The following PCOLCE2 variants were observed in gnomAD, a reference collection of about 807,000 sequenced individuals.
PCOLCE2 encodes procollagen C-endopeptidase enhancer 2, also known as procollagen C-proteinase enhancer 2.
Under a neutral mutation model 47.0 loss-of-function variants are expected in PCOLCE2, and 42 were observed. That is an observed-to-expected ratio of 0.89 (90% CI 0.70 to 1.16). The LOEUF is 1.16. Among genes scored for constraint, PCOLCE2 ranks in the 50% most tolerant of loss-of-function variants. The pLI, the probability that PCOLCE2 is intolerant of heterozygous loss-of-function variation, is 0.00. For missense variants in PCOLCE2, 500 were observed against 526.1 expected (o/e 0.95, Z 0.49); for synonymous variants, 169 against 191.7 (o/e 0.88, Z 0.98).
At chr3:142,887,159 C>CG (rs1404046194) in intron 2 of PCOLCE2, 1 of 152,168 alleles carries the variant, frequency 6.6e-6, no homozygotes, top group African/African-American at 2.4e-5. Flanking sequence ...GATTCCCACC[C>CG]CCCCATTCTC....
chr3:142,866,259 A>G (rs1578046557), intron 2 of PCOLCE2, among the ~76,000 whole-genome samples: 1 of 152,112 alleles, frequency 6.6e-6, no homozygotes, highest in Non-Finnish European at 1.5e-5. Context: ...GGAAGGGCAA[A>G]TTCTCTCTCT....
At chr3:142,821,069 T>A (rs1338036812) in intron 7 of PCOLCE2, 24 bp from the exon 8 acceptor site, 5 of 1,566,800 alleles carry the variant, frequency 3.2e-6, no homozygotes, top group South Asian at 1.1e-5. Context: ...CATTTTGAAG[T>A]GATGTGACAG....
chr3:142,871,418 G>C (rs1169529759), intron 2 of PCOLCE2, among the ~76,000 whole-genome samples: 1 of 152,208 alleles, frequency 6.6e-6, no homozygotes, highest in Non-Finnish European at 1.5e-5. Flanking sequence ...CAGTGTGTTT[G>C]AGTGGCTGTG....
chr3:142,885,273 G>A (rs1258738935), intron 2 of PCOLCE2, among the ~76,000 whole-genome samples: 3 of 152,232 alleles, frequency 2.0e-5, no homozygotes, highest in African/African-American at 7.2e-5. Flanking sequence ...AACAGAATGG[G>A]AGGCCAGTGA....
chr3:142,861,712 T>C (rs1933185714), intron 2 of PCOLCE2, among the ~76,000 whole-genome samples: 1 of 152,254 alleles, frequency 6.6e-6, no homozygotes, highest in Non-Finnish European at 1.5e-5. Context: ...CCTTTTCATG[T>C]AAGAGGCTTT....
intron 2 of PCOLCE2, among the ~76,000 whole-genome samples, chr3:142,854,200 T>C (rs1933014532): frequency 1.1e-5 from 1 of 89,842 alleles, no homozygotes; most frequent in Admixed American, 9.7e-5. Context: ...AGAACTGTTT[T>C]TGCAGCACGT....
chr3:142,858,634 T>C (rs371452322), intron 2 of PCOLCE2, among the ~76,000 whole-genome samples: 1 of 152,010 alleles, frequency 6.6e-6, no homozygotes, highest in Non-Finnish European at 1.5e-5. Context: ...CACTAAGACA[T>C]GTGAGAGATG....
intron 2 of PCOLCE2, among the ~76,000 whole-genome samples, chr3:142,877,263 G>A (rs1170414464): frequency 6.6e-6 from 1 of 152,144 alleles, no homozygotes; most frequent in Non-Finnish European, 1.5e-5. Context: ...GAAGTAGGGA[G>A]GGTTTGGAAG....
chr3:142,873,339 G>A (rs1298460026), intron 2 of PCOLCE2, among the ~76,000 whole-genome samples: 2 of 145,322 alleles, frequency 1.4e-5, no homozygotes, highest in Non-Finnish European at 3.0e-5. Flanking sequence ...GTTGCAGTGA[G>A]ACAAGATCGC....
At chr3:142,888,099 A>C (rs1933749046) in intron 1 of PCOLCE2, among the ~76,000 whole-genome samples, 1 of 152,218 alleles carries the variant, frequency 6.6e-6, no homozygotes, top group Non-Finnish European at 1.5e-5. Context: ...GTGGGAGAGA[A>C]GGTAAGAGCC....
chr3:142,876,356 GAGGT>G (rs146911443), intron 2 of PCOLCE2, among the ~76,000 whole-genome samples: 9,566 of 152,218 alleles, frequency 0.063, 348 homozygotes, highest in African/African-American at 0.1. Flanking sequence ...GCAATCCTAT[GAGGT>G]AGGGAGTATC....
intron 6 of PCOLCE2, among the ~76,000 whole-genome samples, chr3:142,828,541 A>G (rs911303922): frequency 2.0e-5 from 3 of 152,304 alleles, no homozygotes; most frequent in Middle Eastern, 3.4e-3. Flanking sequence ...GAAAAGATAG[A>G]GGATATCAAA....
In PCOLCE2 at chr3:142,848,264, C is replaced by T. The variant is rs781197401; in HGVS notation, c.401G>A (p.Gly134Asp). The T allele has an allele frequency of 1.1e-5, 18 of 1,614,074 alleles. No homozygotes were observed. The African/African-American group carries it at 2.4e-4, about 22-fold the overall frequency. Residue 134 changes from glycine to aspartate, a missense_variant, in exon 3 of 9, where the codon GGC becomes GAC. Gly to Asp is a moderately conservative substitution (Grantham distance 94). Coordinates refer to ENST00000295992, the MANE Select transcript of PCOLCE2 (RefSeq NM_013363.4). The part of the protein sequence containing the change: ...VQMISDANTA[G>D]NGFMAMFSAA... ...GGAGAACATGGCCATGAAGCCATTG[C>T]CAGCTGTGTTGGCATCAGAAATCAT...
At chr3:142,847,677 C>G (rs1937342206) in intron 3 of PCOLCE2, among the ~76,000 whole-genome samples, 1 of 152,164 alleles carries the variant, frequency 6.6e-6, no homozygotes, top group South Asian at 2.1e-4. Flanking sequence ...GCTGGGACAA[C>G]AGGTGTGTGC....
At chr3:142,835,768 A>G (rs1937195951) in intron 5 of PCOLCE2, among the ~76,000 whole-genome samples, 1 of 152,104 alleles carries the variant, frequency 6.6e-6, no homozygotes, top group Non-Finnish European at 1.5e-5. Context: ...CAGCCTCCTG[A>G]GTAGCTGGGA....
At chr3:142,829,086 G>T (rs1937116577) in intron 6 of PCOLCE2, among the ~76,000 whole-genome samples, 1 of 152,072 alleles carries the variant, frequency 6.6e-6, no homozygotes, top group Non-Finnish European at 1.5e-5. Flanking sequence ...GAAATCCCAG[G>T]GGGTGGAGCT....
At chr3:142,874,419 G>A (rs755916938) in intron 2 of PCOLCE2, among the ~76,000 whole-genome samples, 4 of 152,140 alleles carry the variant, frequency 2.6e-5, no homozygotes, top group African/African-American at 9.7e-5. Flanking sequence ...CTCTCTGCAC[G>A]ATGTAAGACG....
chr3:142,839,750 G>A (rs566780497), intron 4 of PCOLCE2, among the ~76,000 whole-genome samples: 1 of 152,232 alleles, frequency 6.6e-6, no homozygotes, highest in East Asian at 1.9e-4. Flanking sequence ...TGTTGCACAT[G>A]ATAAATATAT....
At position 142,826,249 on chromosome 3, in the gene PCOLCE2, C is replaced by T. The variant is rs1248683330; in HGVS notation, c.866-2634G>A. On this transcript the variant is annotated intron_variant, in intron 6 of 8. Coordinates refer to ENST00000295992, the MANE Select transcript of PCOLCE2 (RefSeq NM_013363.4). Reference sequence around the variant, plus strand: ...GTCTCGATCTCCTGACCTCATGATCCACCCGCCTCGGCCTCCCAAAGTTCT... The same window carrying T: ...GTCTCGATCTCCTGACCTCATGATCTACCCGCCTCGGCCTCCCAAAGTTCT... Among the ~76,000 whole-genome samples the T allele has an allele frequency of 3.3e-5, 5 of 152,036 alleles. 1 individual carries two copies. Among genetic ancestry groups the T allele is most frequent in the African/African-American group, 7.2e-5 (3 of 41,400 alleles).
Sources: gnomAD v4.1 joint callset for allele counts (sites outside exome capture counted in the v4.1 genomes callset) on GRCh38, gnomAD v4.1.1 for gene constraint, MANE v1.5 for transcripts, NCBI Gene and HGNC (gene_info 2026-07-23, HGNC 2026-07-21) for gene names.